Variants in VPS37A observed in about 807,000 individuals in gnomAD.
VPS37A encodes the protein vacuolar protein sorting-associated protein 37A.
VPS37A carries 30 observed loss-of-function variants against 49.8 expected under a neutral mutation model. The ratio of observed to expected loss-of-function variants is 0.60; its 90% confidence interval spans 0.45 to 0.82. VPS37A has a LOEUF of 0.82. Among genes scored for constraint, VPS37A ranks in the 40% least tolerant of loss-of-function variants. The pLI is 0.00. For synonymous variants in VPS37A, 195 were observed against 160.6 expected (o/e 1.21, Z -1.62); for missense variants, 593 against 464.4 (o/e 1.28, Z -2.55).
chr8:17,268,462 G>T, intron 3 of VPS37A, 90 bp downstream of exon 3: 2 of 983,072 alleles, frequency 2.0e-6, no homozygotes, highest in South Asian at 1.9e-5. Context: ...TGCATTTAAA[G>T]TTTCATTTTG....
At chr8:17,308,807 G>A in the VPS37A span, among the ~76,000 whole-genome samples, 1 of 152,252 alleles carries the variant, frequency 6.6e-6, no homozygotes, top group East Asian at 1.9e-4. Flanking sequence ...ATCTGGAGTT[G>A]GATATGTCTG....
At chr8:17,291,654 C>T (rs182665287) in intron 11 of VPS37A, among the ~76,000 whole-genome samples, 25 of 152,058 alleles carry the variant, frequency 1.6e-4, no homozygotes, top group Middle Eastern at 3.4e-3. Flanking sequence ...TTGCTCTGTC[C>T]CAGAGATTCT....
At chr8:17,269,247 A>G (rs772904426) in intron 4 of VPS37A, among the ~76,000 whole-genome samples, 1 of 152,128 alleles carries the variant, frequency 6.6e-6, no homozygotes, top group Non-Finnish European at 1.5e-5. Context: ...GTTTTTCACT[A>G]AACTTCCTTT....
chr8:17,254,204 G>A (rs939533267), intron 1 of VPS37A, among the ~76,000 whole-genome samples: 1 of 152,120 alleles, frequency 6.6e-6, no homozygotes, highest in African/African-American at 2.4e-5. Flanking sequence ...GCCATAGTCT[G>A]CTTCTGGTGA....
the VPS37A span, among the ~76,000 whole-genome samples, chr8:17,324,245 C>G: frequency 6.6e-6 from 1 of 152,226 alleles, no homozygotes; most frequent in Non-Finnish European, 1.5e-5. Context: ...AGAACACTCT[C>G]AGTAACTGTC....
At chr8:17,286,947 A>C (rs1386934458) in intron 11 of VPS37A, among the ~76,000 whole-genome samples, 1 of 152,230 alleles carries the variant, frequency 6.6e-6, no homozygotes, top group Non-Finnish European at 1.5e-5. Flanking sequence ...ACCTGTAATT[A>C]ATCGCTAGTA....
At chr8:17,313,216 T>C in the VPS37A span, 7 of 1,066,106 alleles carry the variant, frequency 6.6e-6, no homozygotes, top group East Asian at 2.4e-5. Flanking sequence ...GGGAAGCCCA[T>C]GGCAGAGGGA....
the VPS37A span, chr8:17,309,152 T>G: frequency 1.5e-6 from 1 of 666,728 alleles, no homozygotes. Flanking sequence ...CAACAAAATT[T>G]AAGCTTTCTG....
At chr8:17,310,826 C>G in the VPS37A span, among the ~76,000 whole-genome samples, 2 of 152,170 alleles carry the variant, frequency 1.3e-5, no homozygotes, top group Non-Finnish European at 2.9e-5. Context: ...CACTGAAGCA[C>G]TGTCTACCAA....
At chr8:17,286,547 G>A in intron 11 of VPS37A, 120 bp downstream of exon 11, 1 of 768,138 alleles carries the variant, frequency 1.3e-6, no homozygotes, top group Non-Finnish European at 2.1e-6. Flanking sequence ...TAGTTACTGT[G>A]CTATGTAACA....
At chr8:17,265,781 T>G in intron 1 of VPS37A, 126 bp from the exon 2 acceptor site, 2 of 1,550,064 alleles carry the variant, frequency 1.3e-6, no homozygotes, top group Non-Finnish European at 8.7e-7. Context: ...ATACAAGTTA[T>G]GCTGGCTATC....
At chr8:17,322,501 G>C in the VPS37A span, among the ~76,000 whole-genome samples, 1 of 152,148 alleles carries the variant, frequency 6.6e-6, no homozygotes, top group Non-Finnish European at 1.5e-5. Flanking sequence ...ATTAACTGCA[G>C]AGGTGTGTAA....
At chr8:17,305,033 G>A (rs1222438653), downstream of VPS37A, among the ~76,000 whole-genome samples, 1 of 152,080 alleles carries the variant, frequency 6.6e-6, no homozygotes, top group Non-Finnish European at 1.5e-5. Flanking sequence ...AAGAAAACAG[G>A]TGACCCTAAA....
chr8:17,307,017 G>C (rs1463190005), downstream of VPS37A, among the ~76,000 whole-genome samples: 1 of 152,122 alleles, frequency 6.6e-6, no homozygotes, highest in Admixed American at 6.6e-5. Flanking sequence ...AGCAATGGCA[G>C]CAAAAGACAA....
chr8:17,269,762 C>T (rs781254248), intron 4 of VPS37A, among the ~76,000 whole-genome samples: 4 of 152,166 alleles, frequency 2.6e-5, no homozygotes, highest in African/African-American at 7.2e-5. Flanking sequence ...TTCCCTTTCT[C>T]AGGCCATTTC....
At chr8:17,304,534 A>G (rs780394804), downstream of VPS37A, 13 of 1,610,646 alleles carry the variant, frequency 8.1e-6, no homozygotes, top group East Asian at 2.2e-5. Flanking sequence ...TATAAAGAAA[A>G]TAAGTCTATA....
chr8:17,260,575 C>T (rs188547764), intron 1 of VPS37A, among the ~76,000 whole-genome samples: 1 of 152,222 alleles, frequency 6.6e-6, no homozygotes, highest in African/African-American at 2.4e-5. Context: ...GATGTTTTCT[C>T]TTTGCACATT....
intron 10 of VPS37A, among the ~76,000 whole-genome samples, chr8:17,285,191 C>G (rs1252532570): frequency 6.6e-6 from 1 of 152,130 alleles, no homozygotes; most frequent in Non-Finnish European, 1.5e-5. Flanking sequence ...ATAGCAGCAT[C>G]TTCCTATCAC....
chr8:17,269,764 G>T (rs1388955007), intron 4 of VPS37A, among the ~76,000 whole-genome samples: 1 of 151,958 alleles, frequency 6.6e-6, no homozygotes, highest in Non-Finnish European at 1.5e-5. Context: ...CCCTTTCTCA[G>T]GCCATTTCCT....
Sources: allele counts gnomAD v4.1 joint callset (sites outside exome capture counted in the v4.1 genomes callset), GRCh38; gene constraint gnomAD v4.1.1; transcripts MANE v1.5; gene names NCBI Gene and HGNC (gene_info 2026-07-23, HGNC 2026-07-21).